The following MTPAP variants were observed in gnomAD, a reference collection of about 807,000 sequenced individuals.
MTPAP encodes the protein mitochondrial poly(A) polymerase.
MTPAP carries 23 observed loss-of-function variants against 48.7 expected under a neutral mutation model. The ratio of observed to expected loss-of-function variants is 0.47; its 90% CI spans 0.34 to 0.67. The LOEUF is 0.67. Ranked by LOEUF, MTPAP falls within the 30% of genes least tolerant of loss-of-function variation. The pLI, the probability that MTPAP is intolerant of heterozygous loss-of-function variation, is 0.01. For missense variants in MTPAP, 614 were observed against 694.3 expected (o/e 0.88, Z 1.30); for synonymous variants, 257 against 254.1 (o/e 1.01, Z -0.11).
chr10:30,338,285 ATAACAACATAACAT>A (rs1834753402), intron 3 of MTPAP, among the ~76,000 whole-genome samples: 3 of 60,000 alleles, frequency 5.0e-5, no homozygotes, highest in South Asian at 6.4e-4. Context: ...ATAACATAAC[ATAACAACATAACAT>A]TAACATAACA....
Position 30,340,223 on chromosome 10 carries a change from T to C in MTPAP, c.555+3A>G, listed in dbSNP as rs778863419. 17 of 1,609,804 alleles carry C rather than the reference T, an allele frequency of 1.1e-5. 1 individual carries two copies. The South Asian group carries it at 1.6e-4, about 16-fold the overall frequency. On this transcript the variant is annotated splice_donor_region_variant and intron_variant, in intron 3 of 8. Coordinates refer to ENST00000263063, the MANE Select transcript of MTPAP (RefSeq NM_018109.4). ...AAAAGTTGAGGTACACCTAAAAACT[T>C]ACACTTTCTGCATAACAAAGTAATT...
At chr10:30,317,209 G>T (rs1840673686) in intron 6 of MTPAP, among the ~76,000 whole-genome samples, 1 of 152,070 alleles carries the variant, frequency 6.6e-6, no homozygotes, top group South Asian at 2.1e-4. Flanking sequence ...ATCAATTTTT[G>T]AGGTAATCAG....
At chr10:30,343,916 C>T (rs1308544399) in intron 1 of MTPAP, among the ~76,000 whole-genome samples, 2 of 152,146 alleles carry the variant, frequency 1.3e-5, no homozygotes, top group East Asian at 3.8e-4. Context: ...TTCCCAATGA[C>T]AATTCTTTAA....
At chr10:30,348,827 T>G (rs981554866) in intron 1 of MTPAP, 2 of 453,302 alleles carry the variant, frequency 4.4e-6, no homozygotes, top group East Asian at 4.0e-5. Context: ...TTCGTCAAAC[T>G]GTAAAGTGCA....
chr10:30,339,849 T>C (rs1241507806), intron 3 of MTPAP: 4 of 231,158 alleles, frequency 1.7e-5, no homozygotes, highest in Non-Finnish European at 2.6e-5. Flanking sequence ...CAAGAATGAC[T>C]TGACATGAGG....
intron 3 of MTPAP, 23 bp from the exon 4 acceptor site, chr10:30,337,050 A>G (rs1213249513): frequency 6.4e-7 from 1 of 1,571,998 alleles, no homozygotes; most frequent in Admixed American, 1.7e-5. Context: ...AACAAAACCA[A>G]CAAAATAGAG....
intron 5 of MTPAP, among the ~76,000 whole-genome samples, chr10:30,326,130 T>C (rs1363174274): frequency 6.6e-6 from 1 of 152,190 alleles, no homozygotes; most frequent in Non-Finnish European, 1.5e-5. Flanking sequence ...TAGGCATCTT[T>C]CACACTACAC....
chr10:30,314,862 ACT>A lies in MTPAP; in HGVS notation c.1387-893_1387-892del, dbSNP rs1381295339. ...ACTCCAGCCTGGGCAATACAGTGAG[ACT>A]CTGTCTCAAAAAACAAAAACAAAAA... On this transcript the variant is annotated intron_variant, in intron 8 of 8. Transcript: ENST00000263063. 9.7e-5 allele frequency among the ~76,000 whole-genome samples: 14 copies of A among 145,010 alleles called. 2 individuals carry two copies. The South Asian group carries it at 1.1e-3, about 12-fold the overall frequency.
At position 30,340,147 on chromosome 10, in the gene MTPAP, C is replaced by T. The variant is rs114810120; in HGVS notation, c.555+79G>A. On this transcript the variant is annotated intron_variant, in intron 3 of 8. Coordinates refer to ENST00000263063, the MANE Select transcript of MTPAP (RefSeq NM_018109.4). ...CTATACCCATTAAACAATAATGTAG[C>T]TTGAACATTTTACAGGAATCTTTAT... 428 of 1,197,480 alleles carry T rather than the reference C, an allele frequency of 3.6e-4. 2 individuals are homozygous for T. In the African/African-American group the frequency reaches 6.0e-3, roughly 17 times the overall value. The allele number at this position is 1,197,480 out of a possible 1,614,324, so 74.2% of individuals were successfully genotyped here.
intron 6 of MTPAP, among the ~76,000 whole-genome samples, 171 bp downstream of exon 6, chr10:30,322,220 G>C (rs1193608317): frequency 1.3e-5 from 2 of 152,116 alleles, no homozygotes; most frequent in African/African-American, 4.8e-5. Context: ...AAATGCTAAA[G>C]GCCCTAGCTT....
At chr10:30,334,066 A>G (rs142980482) in intron 4 of MTPAP, among the ~76,000 whole-genome samples, 2,371 of 152,272 alleles carry the variant, frequency 0.016, 62 homozygotes, top group African/African-American at 0.053. Context: ...TATCTGCCCA[A>G]GTTTATTATA....
intron 1 of MTPAP, among the ~76,000 whole-genome samples, chr10:30,347,519 G>A (rs1834886697): frequency 6.6e-6 from 1 of 152,202 alleles, no homozygotes; most frequent in African/African-American, 2.4e-5. Context: ...TTATTCTAAT[G>A]ACACAAAATG....
intron 8 of MTPAP, among the ~76,000 whole-genome samples, chr10:30,315,515 C>CA (rs1266611225): frequency 7.2e-6 from 1 of 139,764 alleles, no homozygotes; most frequent in East Asian, 2.1e-4. Flanking sequence ...AAAAAAAAAA[C>CA]AAAACAAAAC....
At position 30,325,336 on chromosome 10, in the gene MTPAP, C is replaced by T. The variant is rs865964414; in HGVS notation, c.992+1088G>A. ...GAAGATTCGAGTTTAATCAAAACTGCTCTAGCCTTGATTTTCTGAATCTAT... is the reference window on the plus strand; with the variant it reads ...GAAGATTCGAGTTTAATCAAAACTGTTCTAGCCTTGATTTTCTGAATCTAT... On this transcript the variant is annotated intron_variant, in intron 5 of 8. Transcript: ENST00000263063. 1.6e-4 allele frequency among the ~76,000 whole-genome samples: 24 copies of T among 152,314 alleles called. 1 individual carries two copies. The South Asian group carries it at 5.0e-3, about 32-fold the overall frequency.
intron 5 of MTPAP, among the ~76,000 whole-genome samples, chr10:30,324,085 G>A (rs553859347): frequency 2.6e-5 from 4 of 152,272 alleles, no homozygotes; most frequent in Admixed American, 2.0e-4. Flanking sequence ...GGTGGCTGAC[G>A]TGGGAGGATC....
In MTPAP at chr10:30,313,580, GC is replaced by G; in HGVS notation, c.*28del. The G allele has an allele frequency of 6.2e-7, 1 of 1,613,802 alleles. No individual in the cohort carries two copies. The highest frequency in any genetic ancestry group is 8.5e-7 in the Non-Finnish European group (1 of 1,179,848). On this transcript the variant is annotated 3_prime_UTR_variant, in exon 9 of 9. Transcript: ENST00000263063. ...GTCCACAGACCATTTGATAGGCTAA[GC>G]CCAGTTCTTTACACAATGTAGCAGC... is the stretch of plus-strand genomic sequence containing the variant.
At chr10:30,324,947 C>T (rs1439099862) in intron 5 of MTPAP, among the ~76,000 whole-genome samples, 1 of 150,566 alleles carries the variant, frequency 6.6e-6, no homozygotes, top group African/African-American at 2.4e-5. Context: ...GCCAAGATTG[C>T]GGCACTGCAC....
intron 5 of MTPAP, among the ~76,000 whole-genome samples, chr10:30,326,176 A>T (rs1416363061): frequency 6.6e-6 from 1 of 152,202 alleles, no homozygotes; most frequent in Non-Finnish European, 1.5e-5. Context: ...AATGAAATAC[A>T]TTTCTTCTCA....
chr10:30,316,407 T>C (rs996171342), intron 6 of MTPAP, among the ~76,000 whole-genome samples, 197 bp from the exon 7 acceptor site: 4 of 151,510 alleles, frequency 2.6e-5, no homozygotes, highest in African/African-American at 9.7e-5. Context: ...CACGCTCAGC[T>C]CATTTTTGTA....
Sources: gnomAD v4.1 joint callset for allele counts (sites outside exome capture counted in the v4.1 genomes callset) on GRCh38, gnomAD v4.1.1 for gene constraint, MANE v1.5 for transcripts, NCBI Gene and HGNC (gene_info 2026-07-23, HGNC 2026-07-21) for gene names.